Variants in TRABD observed in about 807,000 individuals in gnomAD.
TRABD encodes traB domain-containing protein.
A neutral mutation model predicts 39.6 loss-of-function variants in TRABD; 23 were observed. The ratio of observed to expected loss-of-function variants is 0.58; its 90% CI spans 0.42 to 0.82. TRABD has a LOEUF of 0.82. TRABD is among the 40% of genes least tolerant of loss of function. TRABD has a pLI of 0.00. For synonymous variants in TRABD, 243 were observed against 232.1 expected, an observed-to-expected ratio of 1.05 and a Z score of -0.43; for missense variants, 487 against 544.9, an observed-to-expected ratio of 0.89 and a Z score of 1.06.
At chr22:50,197,383 A>G (rs2064151798) in intron 6 of TRABD, 32 bp downstream of exon 6, 1 of 1,612,686 alleles carries the variant, frequency 6.2e-7, no homozygotes. Context: ...GGGTGGCCAC[A>G]GGGATGTGGC....
intron 1 of TRABD, among the ~76,000 whole-genome samples, chr22:50,191,492 A>G (rs552397321): frequency 6.6e-6 from 1 of 152,344 alleles, no homozygotes; most frequent in East Asian, 1.9e-4. Context: ...GGAACCTGAC[A>G]TAGCGTCTTA....
intron 3 of TRABD, 86 bp from the exon 4 acceptor site, chr22:50,194,254 A>G: frequency 6.7e-7 from 1 of 1,497,262 alleles, no homozygotes; most frequent in East Asian, 2.3e-5. Context: ...AGAACCCAGG[A>G]GGGTTCTAGA....
At chr22:50,190,913 G>A (rs1049812777) in intron 1 of TRABD, among the ~76,000 whole-genome samples, 1 of 152,252 alleles carries the variant, frequency 6.6e-6, no homozygotes, top group African/African-American at 2.4e-5. Flanking sequence ...TCCTGGATGT[G>A]CCAACCGCTA....
chr22:50,193,420 T>C (rs1332099345), intron 2 of TRABD, among the ~76,000 whole-genome samples, 156 bp from the exon 3 acceptor site: 1 of 151,846 alleles, frequency 6.6e-6, no homozygotes, highest in African/African-American at 2.4e-5. Flanking sequence ...GGGTACGTGG[T>C]CCGTGGAGCG....
Position 50,195,069 on chromosome 22 carries a change from CA to C in TRABD, c.420+30del, listed in dbSNP as rs751906448. The C allele has an allele frequency of 1.9e-6, 3 of 1,540,776 alleles. No individual in the cohort carries two copies. In the South Asian group the frequency reaches 3.6e-5, roughly 18 times the overall value. On this transcript the variant is annotated intron_variant, in intron 5 of 9. Coordinates refer to ENST00000380909, the MANE Select transcript of TRABD (RefSeq NM_001320485.2). ...CGCAGCCGCGGGCAAGGGTCAGGGT[CA>C]GGGTCGGGGTCAAAGCCACCTGTTT... is the stretch of plus-strand genomic sequence containing the variant.
chr22:50,193,678 C>T (rs1201941603), intron 3 of TRABD, 24 bp downstream of exon 3: 1 of 1,609,398 alleles, frequency 6.2e-7, no homozygotes, highest in South Asian at 1.1e-5. Context: ...AGGGTCCTGG[C>T]ACGTTCCCCG....
intron 1 of TRABD, among the ~76,000 whole-genome samples, chr22:50,188,652 G>A (rs1317555665): frequency 6.6e-6 from 1 of 152,196 alleles, no homozygotes; most frequent in Non-Finnish European, 1.5e-5. Context: ...CCTCCTGGAG[G>A]CCCTGCCTTC....
intron 4 of TRABD, 150 bp from the exon 5 acceptor site, chr22:50,194,750 T>C (rs2064037699): frequency 7.9e-7 from 1 of 1,268,888 alleles, no homozygotes; most frequent in Non-Finnish European, 1.1e-6. Flanking sequence ...GCTTAGAGAA[T>C]TGAGCTGTCA....
chr22:50,190,923 A>G (rs2063887527), intron 1 of TRABD, among the ~76,000 whole-genome samples: 1 of 152,224 alleles, frequency 6.6e-6, no homozygotes. Context: ...GCCAACCGCT[A>G]AGACGCCCAG....
At chr22:50,186,559 C>T (rs996494313) in intron 1 of TRABD, among the ~76,000 whole-genome samples, 1 of 152,130 alleles carries the variant, frequency 6.6e-6, no homozygotes, top group Non-Finnish European at 1.5e-5. Flanking sequence ...CCCCAGCCAC[C>T]CCCGCCTGCC....
intron 7 of TRABD, 112 bp downstream of exon 7, chr22:50,197,700 C>A: frequency 6.4e-7 from 1 of 1,569,626 alleles, no homozygotes; most frequent in East Asian, 2.3e-5. Flanking sequence ...CTTCCCTGCC[C>A]TTTCCTTCCG....
intron 1 of TRABD, among the ~76,000 whole-genome samples, chr22:50,192,732 G>A (rs973564366): frequency 6.4e-5 from 1 of 15,736 alleles, no homozygotes; most frequent in South Asian, 3.3e-3. Flanking sequence ...GGGTTGGGCA[G>A]CTCTGGCCCT....
intron 1 of TRABD, among the ~76,000 whole-genome samples, chr22:50,186,278 G>A (rs2063754635): frequency 6.9e-6 from 1 of 145,058 alleles, no homozygotes; most frequent in Admixed American, 6.8e-5. Flanking sequence ...TTGGGGGCCG[G>A]GCCCGGGTCA....
Position 50,199,244 on chromosome 22 carries a change from T to G in TRABD, c.*725T>G, listed in dbSNP as rs1258704582. ...ATCAGCTCTGGGTCCAGGCGTGGCC[T>G]CAGCTGGGAGCCTGTGTCCTGAGCC... On this transcript the variant is annotated 3_prime_UTR_variant, in exon 10 of 10. Coordinates refer to ENST00000380909, the MANE Select transcript of TRABD (RefSeq NM_001320485.2). 1 of 654,912 alleles carries G rather than the reference T, an allele frequency of 1.5e-6. No homozygotes were observed. The highest frequency in any genetic ancestry group is 1.8e-5 in the African/African-American group (1 of 54,758). The allele number at this position is 654,912 out of a possible 1,614,324, so 40.6% of individuals were successfully genotyped here. A position where few individuals can be genotyped will look rare whatever the true frequency, so the allele number is the denominator to read the frequency against.
rs752979431 is a variant in TRABD, at chr22:50,193,562, C to T, written c.34-14C>T. On this transcript the variant is annotated splice_polypyrimidine_tract_variant and intron_variant, in intron 2 of 9. Coordinates refer to ENST00000380909, the MANE Select transcript of TRABD (RefSeq NM_001320485.2). ...TGCATGGACCCTGACTTGAACTCTC[C>T]TTTCCACCTGCAGGCCAACGTGGAA... is the stretch of plus-strand genomic sequence containing the variant. 18 of 1,613,444 alleles carry T rather than the reference C, an allele frequency of 1.1e-5. No homozygotes were observed. The highest frequency in any genetic ancestry group is 1.4e-5 in the Non-Finnish European group (17 of 1,179,786).
Position 50,199,089 on chromosome 22 carries a change from C to G in TRABD, c.*570C>G, listed in dbSNP as rs779868824. 4.3e-5 allele frequency: 31 copies of G among 716,288 alleles called. No individual in the cohort carries two copies. Among genetic ancestry groups the G allele is most frequent in the Non-Finnish European group, 6.8e-5 (26 of 384,388 alleles). 44.4% of individuals were successfully genotyped at this position (716,288 alleles called of 1,614,324 possible). On this transcript the variant is annotated 3_prime_UTR_variant, in exon 10 of 10. Coordinates refer to ENST00000380909, the MANE Select transcript of TRABD (RefSeq NM_001320485.2). ...TTTGGCTTTTTTAATGTCTTAAAAT[C>G]TTTTACTCAGGTAATTTTAATTTCA... is the stretch of plus-strand genomic sequence containing the variant.
chr22:50,198,456 G>C lies in TRABD; in HGVS notation c.1068G>C (p.Leu356=), dbSNP rs1237993328. The C allele has an allele frequency of 2.5e-6, 4 of 1,595,556 alleles. No individual in the cohort carries two copies. Among genetic ancestry groups the C allele is most frequent in the Middle Eastern group, 1.7e-4 (1 of 6,028 alleles). ...LYWMGRRTAS[L]VLSLPAAQYC... ...GGATGGGCCGCCGCACCGCGAGCCT[G>C]GTCCTGTCGCTGCCCGCCGCGCAGT... The change falls in exon 10 of 10, where the codon CTG becomes CTC. Residue 356 remains leucine, a synonymous_variant. Transcript: ENST00000380909. This position sits in a 1 kb window ranked among gnomAD's most constrained non-coding sequence, Gnocchi z 7.9.
In TRABD at chr22:50,197,198, CG is replaced by C. The variant is rs757621564; in HGVS notation, c.421-42del. 4.4e-6 allele frequency: 7 copies of C among 1,582,988 alleles called. No homozygotes were observed. The African/African-American group carries it at 6.9e-5, about 16-fold the overall frequency. On this transcript the variant is annotated intron_variant, in intron 5 of 9. Coordinates refer to ENST00000380909, the MANE Select transcript of TRABD (RefSeq NM_001320485.2). The stretch of plus-strand genomic sequence containing the variant: ...TTCTGCCATTCCCCCAGCGCACCCC[CG>C]CACCCGCCCCTCCAGCTGATGCCTG...
intron 6 of TRABD, 27 bp from the exon 7 acceptor site, chr22:50,197,422 C>T (rs1048725518): frequency 9.3e-6 from 15 of 1,612,740 alleles, no homozygotes; most frequent in Admixed American, 6.7e-5. Flanking sequence ...GTTCCCACTG[C>T]TCCCCAACAC....
Sources: allele counts gnomAD v4.1 joint callset (sites outside exome capture counted in the v4.1 genomes callset), GRCh38; gene constraint gnomAD v4.1.1; non-coding constraint Gnocchi (gnomAD v3.1); transcripts MANE v1.5; gene names NCBI Gene and HGNC (gene_info 2026-07-23, HGNC 2026-07-21).